Variants in NEK6 observed in about 807,000 individuals in gnomAD.
NEK6 encodes NIMA related kinase 6.
NEK6 carries 27 observed loss-of-function variants against 43.5 expected under a neutral mutation model. The observed-to-expected ratio is 0.62, with a 90% CI of 0.46 to 0.86. The LOEUF (loss-of-function observed/expected upper bound fraction) is 0.86, where lower values mean the gene tolerates loss of function less well. NEK6 is among the 40% of genes least tolerant of loss of function. The pLI, the probability that NEK6 is intolerant of heterozygous loss-of-function variation, is 0.00. For missense variants in NEK6, 318 were observed against 414.4 expected (o/e 0.77, Z 2.02); for synonymous variants, 167 against 164.1 (o/e 1.02, Z -0.14).
chr9:124,280,593 A>ACGAG (rs1198244244), intron 1 of NEK6, among the ~76,000 whole-genome samples: 1 of 152,174 alleles, frequency 6.6e-6, no homozygotes, highest in African/African-American at 2.4e-5. Context: ...TTTTCCAAGC[A>ACGAG]CGAGGTGACC....
chr9:124,281,093 C>T (rs1831882080), intron 1 of NEK6, among the ~76,000 whole-genome samples: 1 of 152,232 alleles, frequency 6.6e-6, no homozygotes, highest in African/African-American at 2.4e-5. Context: ...AGCTTCCCTG[C>T]TGCATCTCCC....
intron 9 of NEK6, among the ~76,000 whole-genome samples, chr9:124,350,501 GACACACAC>G (rs55896623): frequency 0.47 from 70,691 of 150,696 alleles, 16,770 homozygotes; most frequent in East Asian, 0.67. Context: ...ACTGACAGCA[GACACACAC>G]ACACACACAC....
At position 124,269,377 on chromosome 9, in the gene NEK6, C is replaced by CT. The variant is rs931822333; in HGVS notation, c.-30+11305dup. ...GACCCCTTGCTTGGTGCTAACTGGA[C>CT]TTTTTTTTTTTTTGAGATGGAGTTT... is the stretch of plus-strand genomic sequence containing the variant. On this transcript the variant is annotated intron_variant, in intron 1 of 9. Transcript: ENST00000320246. 1.5e-3 allele frequency among the ~76,000 whole-genome samples: 219 copies of CT among 144,504 alleles called. 1 individual carries two copies. Among genetic ancestry groups the CT allele is most frequent in the Middle Eastern group, 3.5e-3 (1 of 286 alleles). The allele number at this position is 144,504 out of a possible 152,430, so 94.8% of individuals were successfully genotyped here.
In NEK6 at chr9:124,350,977, A is replaced by G. The variant is rs1830246446; in HGVS notation, c.*30A>G. The G allele has an allele frequency of 6.6e-7, 1 of 1,522,562 alleles. No homozygotes were observed. Among genetic ancestry groups the G allele is most frequent in the African/African-American group, 1.4e-5 (1 of 73,330 alleles). The allele number at this position is 1,522,562 out of a possible 1,614,324, so 94.3% of individuals were successfully genotyped here. A position where few individuals can be genotyped will look rare whatever the true frequency, so the allele number is the denominator to read the frequency against. On this transcript the variant is annotated 3_prime_UTR_variant, in exon 10 of 10. Coordinates refer to ENST00000320246, the MANE Select transcript of NEK6 (RefSeq NM_014397.6). ...GGATGCACCGTGCCTTATCAAAGCC[A>G]GCACCACTTTGCCTTACTTGAGTCG...
rs577884960 is a variant in NEK6 at position 124,324,951 on chromosome 9, G to C, written c.406-1379G>C. Among the ~76,000 whole-genome samples the C allele has an allele frequency of 2.0e-5, 3 of 152,308 alleles. No homozygotes were observed. Among genetic ancestry groups the C allele is most frequent in the Admixed American group, 2.0e-4 (3 of 15,304 alleles). On this transcript the variant is annotated intron_variant, in intron 5 of 9. Transcript: ENST00000320246. The surrounding 1 kb of genome is among the most constrained non-coding windows in gnomAD (Gnocchi z 5.3). ...GCACTTTGGGAGGCCGAGGCAGGCA[G>C]ATCACCTGAGGTGAGGAGTTCGAGA...
At position 124,258,373 on chromosome 9, in the gene NEK6, C is replaced by A. The variant is rs952122152; in HGVS notation, c.-30+288C>A. On this transcript the variant is annotated intron_variant, in intron 1 of 9. Transcript: ENST00000320246. ...GTGGCGTTGTTGGGGTGAGTGCGTG[C>A]GGGGACGCGGGCATGGCTCCCCGCT... 3.9e-5 allele frequency: 38 copies of A among 978,802 alleles called. No individual in the cohort carries two copies. The African/African-American group carries it at 6.5e-4, about 17-fold the overall frequency. The allele number at this position is 978,802 out of a possible 1,614,324, so 60.6% of individuals were successfully genotyped here. A position where few individuals can be genotyped will look rare whatever the true frequency, so the allele number is the denominator to read the frequency against.
chr9:124,346,285 A>G (rs1239445415), intron 8 of NEK6, among the ~76,000 whole-genome samples: 1 of 152,182 alleles, frequency 6.6e-6, no homozygotes, highest in Non-Finnish European at 1.5e-5. Context: ...GCCCTCCTGA[A>G]GGAGGCAGGC....
intron 1 of NEK6, among the ~76,000 whole-genome samples, chr9:124,284,437 G>A (rs1020793996): frequency 5.9e-5 from 9 of 152,258 alleles, no homozygotes; most frequent in Admixed American, 2.0e-4. Flanking sequence ...GAACGGACTC[G>A]GGTCTTTCCT....
chr9:124,293,098 C>T lies in NEK6; in HGVS notation c.-29-8838C>T, dbSNP rs574333499. The T allele has an allele frequency of 6.0e-5, 80 of 1,336,280 alleles. No individual in the cohort carries two copies. The African/African-American group carries it at 8.8e-4, about 15-fold the overall frequency. The allele number at this position is 1,336,280 out of a possible 1,614,324, so 82.8% of individuals were successfully genotyped here. A position where few individuals can be genotyped will look rare whatever the true frequency, so the allele number is the denominator to read the frequency against. On this transcript the variant is annotated intron_variant, in intron 1 of 9. Coordinates refer to ENST00000320246, the MANE Select transcript of NEK6 (RefSeq NM_014397.6). The stretch of plus-strand genomic sequence containing the variant: ...GGGCCTGGGACTCCTAGAGTGAGAC[C>T]GCAGCTCTCCCCAGCTGCATTGTGG...
chr9:124,280,086 A>C (rs1211356854), intron 1 of NEK6, among the ~76,000 whole-genome samples: 1 of 152,258 alleles, frequency 6.6e-6, no homozygotes, highest in African/African-American at 2.4e-5. Flanking sequence ...GTCCAGGGTC[A>C]GCTGGGGCCT....
chr9:124,342,648 C>T (rs999804836), intron 8 of NEK6, among the ~76,000 whole-genome samples: 23 of 152,236 alleles, frequency 1.5e-4, no homozygotes, highest in Non-Finnish European at 4.4e-5. Context: ...TTGCTTTGGC[C>T]AGCGGGAAGC....
At chr9:124,333,955 T>G (rs895241454) in intron 7 of NEK6, among the ~76,000 whole-genome samples, 1 of 151,970 alleles carries the variant, frequency 6.6e-6, no homozygotes, top group Admixed American at 6.6e-5. Context: ...TTTTTTAAAT[T>G]TTTAGTAGAG....
chr9:124,313,150 A>G (rs962585585), intron 3 of NEK6, among the ~76,000 whole-genome samples: 40 of 152,186 alleles, frequency 2.6e-4, no homozygotes, highest in African/African-American at 9.4e-4. Context: ...GCCCGTCTGA[A>G]CACAGCTTTG....
intron 5 of NEK6, among the ~76,000 whole-genome samples, chr9:124,323,463 CTG>C (rs1443311806): frequency 6.6e-6 from 1 of 152,144 alleles, no homozygotes; most frequent in African/African-American, 2.4e-5. Flanking sequence ...AGAAGAAAGA[CTG>C]GAGGCCGGGT....
intron 4 of NEK6, 75 bp downstream of exon 4, chr9:124,314,060 C>G: frequency 7.6e-7 from 1 of 1,308,222 alleles, no homozygotes. Flanking sequence ...CACATCATGT[C>G]CATCACAGCC....
At chr9:124,270,932 T>A (rs2118916448) in intron 1 of NEK6, among the ~76,000 whole-genome samples, 1 of 152,362 alleles carries the variant, frequency 6.6e-6, no homozygotes, top group Non-Finnish European at 1.5e-5. Flanking sequence ...CACCTGGACA[T>A]GAAGCCAGCC....
chr9:124,294,805 T>C (rs1320672034), intron 1 of NEK6, among the ~76,000 whole-genome samples: 1 of 152,126 alleles, frequency 6.6e-6, no homozygotes, highest in African/African-American at 2.4e-5. Flanking sequence ...GGTTCAGGCT[T>C]GTGTGTTAGG....
intron 4 of NEK6, among the ~76,000 whole-genome samples, chr9:124,316,001 G>A (rs879464950): frequency 7.9e-5 from 12 of 152,204 alleles, no homozygotes; most frequent in South Asian, 2.1e-4. Context: ...TGGTACGCTC[G>A]CCGCCCAAGG....
intron 1 of NEK6, among the ~76,000 whole-genome samples, chr9:124,298,112 C>T (rs1026263465): frequency 1.3e-5 from 2 of 152,232 alleles, no homozygotes; most frequent in African/African-American, 4.8e-5. Context: ...TCCTCTGAGC[C>T]TCGGTTTCCC....
Sources: gnomAD v4.1 joint callset for allele counts (sites outside exome capture counted in the v4.1 genomes callset) on GRCh38, gnomAD v4.1.1 for gene constraint, Gnocchi (gnomAD v3.1) non-coding constraint, MANE v1.5 for transcripts, NCBI Gene and HGNC (gene_info 2026-07-23, HGNC 2026-07-21) for gene names.